GON4L: variants seen among roughly 807,000 people sequenced by gnomAD.
GON4L encodes GON-4-like protein.
GON4L carries 87 observed loss-of-function variants against 211.8 expected under a neutral mutation model. The observed-to-expected ratio is 0.41, with a 90% CI of 0.35 to 0.49. The LOEUF is 0.49. Ranked by LOEUF, GON4L falls within the 20% of genes least tolerant of loss-of-function variation. The pLI is 0.15. For synonymous variants in GON4L, 875 were observed against 962.6 expected (o/e 0.91, Z 1.68); for missense variants, 2,155 against 2,659.5 (o/e 0.81, Z 4.17).
Position 155,785,337 on chromosome 1 carries a change from T to G in GON4L, c.1785A>C (p.Glu595Asp). ...TCACTCGAGGATCATTACTCACAGT[T>G]TCAAACAGCTCTTCCATCAGCTCAT... ...EVNELMEELF[E>D]TFQDEMGFSN... The change falls in exon 13 of 32, where the codon GAA (glutamate) becomes GAC (aspartate). Residue 595 changes from glutamate (E) to aspartate (D), a missense_variant. Glu to Asp is a conservative substitution (Grantham distance 45). Coordinates refer to ENST00000368331, the MANE Select transcript of GON4L (RefSeq NM_001282860.2). 1 of 1,588,204 alleles carries G rather than the reference T, an allele frequency of 6.3e-7. No homozygotes were observed.
chr1:155,783,671 CA>C (rs1336001604), intron 14 of GON4L, among the ~76,000 whole-genome samples: 1 of 152,200 alleles, frequency 6.6e-6, no homozygotes, highest in Non-Finnish European at 1.5e-5. Context: ...CAGGATATTA[CA>C]ATATGGGGTA....
chr1:155,798,396 T>C (rs1343988953), intron 11 of GON4L, among the ~76,000 whole-genome samples: 1 of 149,322 alleles, frequency 6.7e-6, no homozygotes, highest in Non-Finnish European at 1.5e-5. Context: ...ATAAGTCTCT[T>C]CACAGCAAGT....
chr1:155,745,180 CCA>C (rs1304202340), downstream of GON4L, among the ~76,000 whole-genome samples: 4 of 152,112 alleles, frequency 2.6e-5, no homozygotes, highest in South Asian at 2.1e-4. Flanking sequence ...ATGGACTATT[CCA>C]CAGAGATGAA....
intron 17 of GON4L, among the ~76,000 whole-genome samples, chr1:155,774,596 C>T (rs994578850): frequency 1.8e-4 from 28 of 152,042 alleles, no homozygotes; most frequent in African/African-American, 6.3e-4. Flanking sequence ...CGTGAGCCAC[C>T]GCGCCTGGCC....
chr1:155,779,253 C>CAAAAAAAAAAA (rs764871817), intron 14 of GON4L, among the ~76,000 whole-genome samples: 2 of 10,646 alleles, frequency 1.9e-4, no homozygotes, highest in African/African-American at 4.0e-4. Context: ...GACTCTGTCT[C>CAAAAAAAAAAA]AAAAAAAAAA....
intron 9 of GON4L, 55 bp from the exon 10 acceptor site, chr1:155,813,859 A>G: frequency 2.0e-6 from 3 of 1,479,442 alleles, no homozygotes; most frequent in Non-Finnish European, 2.8e-6. Flanking sequence ...AAGAAAGAGA[A>G]AGCAAAAAAA....
chr1:155,765,297 A>G lies in GON4L; in HGVS notation c.4176T>C (p.Ser1392=). The change falls in exon 21 of 32, where the codon TCT becomes TCC. Residue 1392 remains serine, a synonymous_variant. Transcript: ENST00000368331. ...TTCCTTCATCAGGGGGCTCTTGAGA[A>G]GATGAAGGGGTTTTAGTTGGCTGAC... ...ERSQPTKTPS[S]SQEPPDEGTS... 6.2e-7 allele frequency: 1 copy of G among 1,614,186 alleles called. No homozygotes were observed. Among genetic ancestry groups the G allele is most frequent in the Non-Finnish European group, 8.5e-7 (1 of 1,180,022 alleles).
chr1:155,808,191 C>T (rs1307997711), intron 10 of GON4L, among the ~76,000 whole-genome samples: 1 of 152,002 alleles, frequency 6.6e-6, no homozygotes, highest in African/African-American at 2.4e-5. Context: ...TGTGCGCCAC[C>T]ACACCCAGGA....
At chr1:155,832,741 A>AT (rs1669918483) in intron 2 of GON4L, 1 of 152,214 alleles carries the variant, frequency 6.6e-6, no homozygotes, top group Non-Finnish European at 1.5e-5. Context: ...ATGTATTTTC[A>AT]TTTTTTCTAC....
intron 27 of GON4L, among the ~76,000 whole-genome samples, chr1:155,755,366 G>A (rs1277657985): frequency 6.6e-6 from 1 of 152,050 alleles, no homozygotes; most frequent in African/African-American, 2.4e-5. Flanking sequence ...ACAGCACCTA[G>A]CCTATGGCTA....
intron 10 of GON4L, among the ~76,000 whole-genome samples, chr1:155,808,192 A>G (rs1439587940): frequency 6.6e-6 from 1 of 151,872 alleles, no homozygotes; most frequent in Non-Finnish European, 1.5e-5. Context: ...GTGCGCCACC[A>G]CACCCAGGAC....
intron 6 of GON4L, among the ~76,000 whole-genome samples, chr1:155,816,984 G>A (rs1170325235): frequency 6.6e-6 from 1 of 151,972 alleles, no homozygotes; most frequent in Non-Finnish European, 1.5e-5. Flanking sequence ...TAGGGGGAAA[G>A]TTTTTCTTGT....
chr1:155,849,186 T>C (rs1671536604), intron 2 of GON4L, among the ~76,000 whole-genome samples: 1 of 148,454 alleles, frequency 6.7e-6, no homozygotes, highest in Non-Finnish European at 1.5e-5. Flanking sequence ...CTGGGCACTG[T>C]GGCTCACGCC....
At chr1:155,788,907 G>A (rs540136936) in intron 12 of GON4L, among the ~76,000 whole-genome samples, 12 of 152,022 alleles carry the variant, frequency 7.9e-5, no homozygotes, top group Non-Finnish European at 1.8e-4. Flanking sequence ...TGGCTAACAC[G>A]GTGAAACCCC....
chr1:155,853,213 C>G, intron 2 of GON4L, 63 bp downstream of exon 2: 1 of 1,348,440 alleles, frequency 7.4e-7, no homozygotes. Context: ...TAAAGGTATC[C>G]AGAAATAGCA....
intron 2 of GON4L, among the ~76,000 whole-genome samples, chr1:155,833,738 G>GGGAGGAGA (rs200014964): frequency 0.83 from 55,338 of 66,396 alleles, 24,946 homozygotes; most frequent in East Asian, 1. Context: ...GGGAGGAGAG[G>GGGAGGAGA]GGAGGAGAGG....
rs115853276 is a variant in GON4L, at chr1:155,795,921, G to A, written c.1646-770C>T. On this transcript the variant is annotated intron_variant, in intron 11 of 31. Coordinates refer to ENST00000368331, the MANE Select transcript of GON4L (RefSeq NM_001282860.2). ...CCAAAGTGCTGAGATTACAGTGTGA[G>A]CCATTGCACCCTGCCCAGATTTCAA... is the stretch of plus-strand genomic sequence containing the variant. Among the ~76,000 whole-genome samples, 1,067 of 152,238 alleles carry A rather than the reference G, an allele frequency of 7.0e-3. 6 individuals carry two copies. The highest frequency in any genetic ancestry group is 0.014 in the South Asian group (67 of 4,822).
intron 2 of GON4L, among the ~76,000 whole-genome samples, chr1:155,836,500 G>A (rs908355558): frequency 6.6e-6 from 1 of 152,076 alleles, no homozygotes; most frequent in Non-Finnish European, 1.5e-5. Flanking sequence ...CCCCCGCCTC[G>A]GCCTCCCAGA....
chr1:155,848,282 C>G (rs1671443743), intron 2 of GON4L, among the ~76,000 whole-genome samples: 1 of 151,996 alleles, frequency 6.6e-6, no homozygotes, highest in African/African-American at 2.4e-5. Context: ...AATCTGAACT[C>G]ATATTCAAAC....
Sources: gnomAD v4.1 joint callset for allele counts (sites outside exome capture counted in the v4.1 genomes callset) on GRCh38, gnomAD v4.1.1 for gene constraint, MANE v1.5 for transcripts, NCBI Gene and HGNC (gene_info 2026-07-23, HGNC 2026-07-21) for gene names.